The following DNAH11 variants were observed in gnomAD, a reference collection of about 807,000 sequenced individuals.
The protein encoded by DNAH11 is dynein axonemal heavy chain 11.
A neutral mutation model predicts 526.0 loss-of-function variants in DNAH11; 442 were observed. The observed-to-expected ratio is 0.84, with a 90% confidence interval of 0.78 to 0.91. The LOEUF (loss-of-function observed/expected upper bound fraction) is 0.91. Among genes scored for constraint, DNAH11 ranks in the 40% least tolerant of loss-of-function variants. The pLI, the probability that DNAH11 is intolerant of heterozygous loss-of-function variation, is 0.00. For synonymous variants in DNAH11, 2,461 were observed against 1,935.9 expected (o/e 1.27, Z -7.12); for missense variants, 6,989 against 5,448.7 (o/e 1.28, Z -8.90).
intron 3 of DNAH11, 104 bp from the exon 4 acceptor site, chr7:21,559,499 T>C (rs1287571729): frequency 1.0e-6 from 1 of 956,048 alleles, no homozygotes. Context: ...CAAGAATTTA[T>C]TTTTAGGAAA....
At chr7:21,688,578 G>A (rs1271908636) in intron 34 of DNAH11, among the ~76,000 whole-genome samples, 3 of 152,040 alleles carry the variant, frequency 2.0e-5, no homozygotes, top group African/African-American at 7.2e-5. Context: ...AACTGCCTGG[G>A]GCATCCCAAG....
intron 75 of DNAH11, among the ~76,000 whole-genome samples, chr7:21,881,587 G>A (rs1783926306): frequency 6.6e-6 from 1 of 152,154 alleles, no homozygotes. Context: ...TCCTCACAAG[G>A]GAAACTTTTT....
At chr7:21,887,410 A>C (rs1397312750) in intron 76 of DNAH11, among the ~76,000 whole-genome samples, 2 of 152,240 alleles carry the variant, frequency 1.3e-5, no homozygotes, top group African/African-American at 4.8e-5. Context: ...GGTCACCTTA[A>C]AGTTATCATA....
Position 21,575,592 on chromosome 7 carries a change from A to G in DNAH11, c.1593+3619A>G, listed in dbSNP as rs142883813. Among the ~76,000 whole-genome samples, 4 of 152,316 alleles carry G rather than the reference A, an allele frequency of 2.6e-5. No individual in the cohort carries two copies. The East Asian group carries it at 7.7e-4, about 29-fold the overall frequency. Reference sequence around the variant, plus strand: ...CCTGCCTATTATTCAAGATTAAATGAGTTATTTAGCAACCTTCCTTAGTAA... The same window carrying G: ...CCTGCCTATTATTCAAGATTAAATGGGTTATTTAGCAACCTTCCTTAGTAA... On this transcript the variant is annotated intron_variant, in intron 8 of 81. Transcript: ENST00000409508.
chr7:21,748,815 G>T lies in DNAH11; in HGVS notation c.8673+73G>T, dbSNP rs528910292. On this transcript the variant is annotated intron_variant, in intron 52 of 81. Coordinates refer to ENST00000409508, the MANE Select transcript of DNAH11 (RefSeq NM_001277115.2). ...TAAAGCCGAGGCTCCTAGTGCGCCC[G>T]TGTGGGCTGTGACTCCCAGATTTGG... 46 of 1,459,586 alleles carry T rather than the reference G, an allele frequency of 3.2e-5. No homozygotes were observed. The East Asian group carries it at 1.1e-3, about 35-fold the overall frequency. The allele number at this position is 1,459,586 out of a possible 1,614,324, so 90.4% of individuals were successfully genotyped here.
chr7:21,613,145 T>C (rs1009903824), intron 20 of DNAH11, among the ~76,000 whole-genome samples: 2 of 151,342 alleles, frequency 1.3e-5, no homozygotes, highest in African/African-American at 4.9e-5. Context: ...TGTAGTACTA[T>C]GCAGTAGGGG....
At chr7:21,556,261 G>A (rs1783214956) in intron 2 of DNAH11, among the ~76,000 whole-genome samples, 1 of 152,140 alleles carries the variant, frequency 6.6e-6, no homozygotes, top group Admixed American at 6.5e-5. Flanking sequence ...AGGTGCATGA[G>A]CTGTGCGATT....
chr7:21,836,809 C>A (rs1442603977), intron 65 of DNAH11, among the ~76,000 whole-genome samples: 1 of 152,086 alleles, frequency 6.6e-6, no homozygotes, highest in Non-Finnish European at 1.5e-5. Context: ...AAGAGACAAC[C>A]TGCAGAATGG....
At position 21,720,756 on chromosome 7, in the gene DNAH11, CTCCT is replaced by C; in HGVS notation, c.7167_7170del (p.Pro2390LysfsTer48). On this transcript the variant is annotated frameshift_variant, in exon 44 of 82. Transcript: ENST00000409508. LOFTEE classifies it high-confidence loss of function. ...TGTGTTCTTTTGGAGTGCTTGCTGA[CTCCT>C]GAAAATGTACCTTCTGACAGCCCAA... 1 of 1,590,998 alleles carries C rather than the reference CTCCT, an allele frequency of 6.3e-7. No individual in the cohort carries two copies. The highest frequency in any genetic ancestry group is 8.6e-7 in the Non-Finnish European group (1 of 1,167,630).
At chr7:21,719,705 T>G (rs925325880) in intron 43 of DNAH11, among the ~76,000 whole-genome samples, 1 of 152,186 alleles carries the variant, frequency 6.6e-6, no homozygotes, top group African/African-American at 2.4e-5. Flanking sequence ...TAATAGGTGC[T>G]CAATAATTTA....
chr7:21,818,469 A>G (rs1011382330), intron 65 of DNAH11, 130 bp downstream of exon 65: 2 of 903,702 alleles, frequency 2.2e-6, no homozygotes, highest in Non-Finnish European at 3.2e-6. Context: ...TCATGCACCT[A>G]CACTCCAAGA....
At position 21,586,365 on chromosome 7, in the gene DNAH11, CA is replaced by C. The variant is rs369194084; in HGVS notation, c.1711-1695del. 4.9e-3 allele frequency among the ~76,000 whole-genome samples: 739 copies of C among 152,266 alleles called. 5 individuals carry two copies. The highest frequency in any genetic ancestry group is 0.016 in the African/African-American group (659 of 41,552). On this transcript the variant is annotated intron_variant, in intron 9 of 81. Coordinates refer to ENST00000409508, the MANE Select transcript of DNAH11 (RefSeq NM_001277115.2). ...ATTTTTATTTGAAACCCAAACTCAA[CA>C]AAACAATGACTGTGGGAAGAAAGTT...
At chr7:21,689,475 A>G (rs1783519885) in intron 34 of DNAH11, among the ~76,000 whole-genome samples, 2 of 152,212 alleles carry the variant, frequency 1.3e-5, no homozygotes, top group African/African-American at 2.4e-5. Flanking sequence ...AGATGGGACC[A>G]TGCCTCAATT....
At chr7:21,792,378 T>A (rs756642421) in intron 61 of DNAH11, among the ~76,000 whole-genome samples, 2 of 152,218 alleles carry the variant, frequency 1.3e-5, no homozygotes, top group Non-Finnish European at 2.9e-5. Flanking sequence ...TTTCTTGCTG[T>A]GTTCTTGTCT....
intron 30 of DNAH11, among the ~76,000 whole-genome samples, chr7:21,663,526 A>G (rs1410057703): frequency 2.0e-5 from 3 of 152,210 alleles, no homozygotes; most frequent in Admixed American, 6.5e-5. Flanking sequence ...TCTGACTGCT[A>G]TAGTATCTCA....
Position 21,725,823 on chromosome 7 carries a change from C to A in DNAH11, c.7279C>A (p.Gln2427Lys). The change falls in exon 45 of 82, where the codon CAA (glutamine) becomes AAA (lysine). Residue 2427 changes from glutamine to lysine, a missense_variant. Transcript: ENST00000409508. ...TTGTTCTCCTTAGATTTCTGATTATCAAGCTGACTTCAGTCGGTGGTGGCA... is the reference window on the plus strand; with the variant it reads ...TTGTTCTCCTTAGATTTCTGATTATAAAGCTGACTTCAGTCGGTGGTGGCA... The part of the protein sequence containing the change: ...TLLQDQISDY[Q>K]ADFSRWWQKE... The A allele has an allele frequency of 6.2e-7, 1 of 1,610,978 alleles. No individual in the cohort carries two copies. Among genetic ancestry groups the A allele is most frequent in the South Asian group, 1.1e-5 (1 of 90,128 alleles).
At chr7:21,785,259 T>A (rs899849404) in intron 58 of DNAH11, among the ~76,000 whole-genome samples, 3 of 152,188 alleles carry the variant, frequency 2.0e-5, no homozygotes, top group African/African-American at 7.2e-5. Flanking sequence ...AAATCCTGAA[T>A]TCGTTTTGTA....
chr7:21,757,336 A>T (rs1786682674), intron 54 of DNAH11, among the ~76,000 whole-genome samples: 1 of 152,198 alleles, frequency 6.6e-6, no homozygotes, highest in Non-Finnish European at 1.5e-5. Context: ...GTATGGGATG[A>T]AATGTTGGCC....
At chr7:21,779,182 C>G (rs2127982639) in intron 57 of DNAH11, 78 bp downstream of exon 57, 1 of 1,492,730 alleles carries the variant, frequency 6.7e-7, no homozygotes, top group Non-Finnish European at 9.0e-7. Flanking sequence ...CAATTTTGAA[C>G]AACTTCCTCT....
Sources: allele counts gnomAD v4.1 joint callset (sites outside exome capture counted in the v4.1 genomes callset), GRCh38; gene constraint gnomAD v4.1.1; transcripts MANE v1.5; gene names NCBI Gene and HGNC (gene_info 2026-07-23, HGNC 2026-07-21).